Variants in CLEC4A observed in about 807,000 individuals in gnomAD.
The protein encoded by CLEC4A is C-type lectin domain family 4 member A, also known as C-type (calcium dependent, carbohydrate-recognition domain) lectin, superfamily member 6.
Under a neutral mutation model 32.7 loss-of-function variants are expected in CLEC4A, and 27 were observed. The observed-to-expected ratio is 0.83, with a 90% CI of 0.61 to 1.14. The LOEUF (loss-of-function observed/expected upper bound fraction) is 1.14, where lower values mean the gene tolerates loss of function less well. CLEC4A is among the 50% of genes most tolerant of loss of function. The probability of loss-of-function intolerance (pLI) is 0.00; values close to 1 mark genes in which losing one functional copy is unlikely to be tolerated. For synonymous variants in CLEC4A, 89 were observed against 93.7 expected (o/e 0.95, Z 0.29); for missense variants, 253 against 274.6 (o/e 0.92, Z 0.55).
intron 3 of CLEC4A, among the ~76,000 whole-genome samples, chr12:8,129,813 C>A (rs896462127): frequency 1.7e-4 from 26 of 152,048 alleles, no homozygotes; most frequent in African/African-American, 6.0e-4. Context: ...GACAAAAAAA[C>A]AAATATATAG....
chr12:8,108,850 AC>A, the CLEC4A span, among the ~76,000 whole-genome samples: 40,670 of 152,068 alleles, frequency 0.27, 6,127 homozygotes, highest in East Asian at 0.43. Context: ...ATGCATTAAG[AC>A]CCACTATGGA....
the CLEC4A span, among the ~76,000 whole-genome samples, chr12:8,110,701 A>G: frequency 6.6e-6 from 1 of 152,120 alleles, no homozygotes; most frequent in Admixed American, 6.6e-5. Context: ...TAAATTAGGA[A>G]TCATGTCCCT....
At chr12:8,107,720 C>G in the CLEC4A span, among the ~76,000 whole-genome samples, 1 of 149,422 alleles carries the variant, frequency 6.7e-6, no homozygotes, top group African/African-American at 2.4e-5. Context: ...TCTGTGGGGC[C>G]AATGGTAATG....
chr12:8,110,444 C>T, the CLEC4A span, among the ~76,000 whole-genome samples: 7 of 152,188 alleles, frequency 4.6e-5, no homozygotes, highest in Admixed American at 2.0e-4. Context: ...CCAGCCAGAC[C>T]GATCTAATTA....
At chr12:8,111,923 ATGTGTGTGTGTG>A in the CLEC4A span, among the ~76,000 whole-genome samples, 28 of 111,054 alleles carry the variant, frequency 2.5e-4, no homozygotes, top group African/African-American at 7.1e-4. Context: ...GAGTGTGTAT[ATGTGTGTGTGTG>A]TGTGTGTGTG....
intron 3 of CLEC4A, among the ~76,000 whole-genome samples, chr12:8,135,150 T>G (rs189953023): frequency 2.9e-5 from 4 of 139,530 alleles, no homozygotes; most frequent in Non-Finnish European, 4.6e-5. Flanking sequence ...CCTCCCAAAG[T>G]GCTGGGATTA....
intron 2 of CLEC4A, among the ~76,000 whole-genome samples, chr12:8,128,649 G>A (rs1014345763): frequency 1.3e-5 from 2 of 151,962 alleles, no homozygotes; most frequent in African/African-American, 4.8e-5. Context: ...GACCTGCCTC[G>A]ACCTCCCAAA....
chr12:8,130,604 A>C (rs1947980616), intron 3 of CLEC4A, among the ~76,000 whole-genome samples: 1 of 151,914 alleles, frequency 6.6e-6, no homozygotes, highest in South Asian at 2.1e-4. Context: ...CTGTTCTTGA[A>C]TTCCTGGCTT....
At chr12:8,126,646 C>G (rs1169081269) in intron 2 of CLEC4A, among the ~76,000 whole-genome samples, 1 of 152,164 alleles carries the variant, frequency 6.6e-6, no homozygotes, top group Non-Finnish European at 1.5e-5. Flanking sequence ...AGAGTCAAGA[C>G]AGAGCCACAG....
At chr12:8,103,490 C>T in the CLEC4A span, among the ~76,000 whole-genome samples, 82,612 of 148,948 alleles carry the variant, frequency 0.55, 25,326 homozygotes, top group Non-Finnish European at 0.7. Context: ...GGCTTCACAC[C>T]GGCTTCTGCC....
chr12:8,124,328 G>A (rs1014376176), intron 1 of CLEC4A, among the ~76,000 whole-genome samples: 2 of 152,152 alleles, frequency 1.3e-5, no homozygotes, highest in Non-Finnish European at 2.9e-5. Flanking sequence ...CCAGATGCAG[G>A]GGGTCCTGAT....
At position 8,136,828 on chromosome 12, in the gene CLEC4A, T is replaced by C; in HGVS notation, c.491T>C (p.Phe164Ser). The change falls in exon 5 of 6, where the codon TTT becomes TCT. Residue 164 changes from phenylalanine to serine, a missense_variant. Physicochemically the swap from Phe to Ser is radical, Grantham distance 155 (BLOSUM62 -2). Coordinates refer to ENST00000229332, the MANE Select transcript of CLEC4A (RefSeq NM_016184.4). ...AATCTGCAAGAAGAATCTGCTTATT[T>C]TGTGGGGCTCTCAGATCCAGAAGGT... ...FQNLQEESAY[F>S]VGLSDPEGQR... 1 of 1,613,496 alleles carries C rather than the reference T, an allele frequency of 6.2e-7. No homozygotes were observed. The highest frequency in any genetic ancestry group is 1.7e-5 in the Admixed American group (1 of 60,004).
chr12:8,108,154 T>G, the CLEC4A span, among the ~76,000 whole-genome samples: 1 of 152,204 alleles, frequency 6.6e-6, no homozygotes, highest in Non-Finnish European at 1.5e-5. Context: ...CAAAAGTCAC[T>G]CAGGAGCAGG....
At chr12:8,127,031 A>G (rs747521469) in intron 2 of CLEC4A, among the ~76,000 whole-genome samples, 2 of 152,344 alleles carry the variant, frequency 1.3e-5, no homozygotes, top group South Asian at 4.1e-4. Flanking sequence ...AAGCCAATCT[A>G]AAACTTAGTG....
At chr12:8,109,074 T>C in the CLEC4A span, among the ~76,000 whole-genome samples, 1 of 152,128 alleles carries the variant, frequency 6.6e-6, no homozygotes, top group African/African-American at 2.4e-5. Context: ...GAAGCATTTG[T>C]TTTTTATTTT....
At chr12:8,126,371 ATTTTTTTTT>A (rs55729993) in intron 2 of CLEC4A, among the ~76,000 whole-genome samples, 3 of 115,696 alleles carry the variant, frequency 2.6e-5, no homozygotes, top group Non-Finnish European at 5.4e-5. Flanking sequence ...TGCTCAGCTA[ATTTTTTTTT>A]TTTTTTTTTT....
chr12:8,103,373 GTTGTTT>G, the CLEC4A span, among the ~76,000 whole-genome samples: 562 of 77,992 alleles, frequency 7.2e-3, 114 homozygotes, highest in African/African-American at 0.029. Flanking sequence ...GTTTCTTTCT[GTTGTTT>G]TTTTTTTTTT....
At chr12:8,134,441 C>G in intron 3 of CLEC4A, 1 of 1,613,330 alleles carries the variant, frequency 6.2e-7, no homozygotes, top group Non-Finnish European at 8.5e-7. Flanking sequence ...CTTTGATGTC[C>G]TGGGACTCCT....
chr12:8,134,988 T>TTTTTG (rs1555080246), intron 3 of CLEC4A: 1 of 261,756 alleles, frequency 3.8e-6, no homozygotes, highest in Non-Finnish European at 6.1e-6. Flanking sequence ...TGTTTTTTGT[T>TTTTTG]TTTTTTTAAT....
Sources: allele counts gnomAD v4.1 joint callset (sites outside exome capture counted in the v4.1 genomes callset), GRCh38; gene constraint gnomAD v4.1.1; transcripts MANE v1.5; gene names NCBI Gene and HGNC (gene_info 2026-07-23, HGNC 2026-07-21).